The following KCNMA1 variants were observed in gnomAD, a reference collection of about 807,000 sequenced individuals.
KCNMA1 encodes the protein potassium calcium-activated channel subfamily M alpha 1, also known as Calcium-activated potassium channel subunit alpha-1.
In KCNMA1, 29 loss-of-function variants were observed where a neutral mutation model predicts 140.0. The ratio of observed to expected loss-of-function variants is 0.21; its 90% CI spans 0.15 to 0.28. KCNMA1 has a LOEUF of 0.28. Ranked by LOEUF, KCNMA1 falls within the 10% of genes least tolerant of loss-of-function variation. KCNMA1 has a pLI of 1.00. For synonymous variants in KCNMA1, 612 were observed against 611.9 expected (o/e 1.00, Z 0.00); for missense variants, 880 against 1,602.2 (o/e 0.55, Z 7.70).
At position 76,914,972 on chromosome 10, in the gene KCNMA1, T is replaced by C; in HGVS notation, c.2980A>G (p.Thr994Ala). The C allele has an allele frequency of 6.2e-7, 1 of 1,613,598 alleles. No homozygotes were observed. The highest frequency in any genetic ancestry group is 8.5e-7 in the Non-Finnish European group (1 of 1,179,638). Reference sequence around the variant, plus strand: ...ATGATGGGGATGTTGACCCCAGTTGTGATGGATGGTTGACGTAACATCCCG... The same window carrying C: ...ATGATGGGGATGTTGACCCCAGTTGCGATGGATGGTTGACGTAACATCCCG... The part of the protein sequence containing the change: ...VHGMLRQPSI[T>A]TGVNIPIITE... The change falls in exon 24 of 28, where the codon ACA becomes GCA. Residue 994 changes from threonine (T) to alanine (A), a missense_variant. By Grantham distance (58) the Thr-to-Ala change is moderately conservative. This residue lies in a region of KCNMA1 where 44 missense variants were observed against 58.2 expected (regional missense o/e 0.76). Transcript: ENST00000286628.
intron 5 of KCNMA1, among the ~76,000 whole-genome samples, chr10:77,127,518 G>A (rs1221148941): frequency 2.0e-5 from 3 of 152,004 alleles, no homozygotes; most frequent in African/African-American, 7.3e-5. Context: ...GTATGCAAAT[G>A]CTCTTTTGCC....
chr10:77,378,533 CCTGGTTTGGGTGGGGCT>C (rs1027653132), intron 2 of KCNMA1, among the ~76,000 whole-genome samples: 2 of 152,078 alleles, frequency 1.3e-5, no homozygotes, highest in African/African-American at 2.4e-5. Flanking sequence ...AGAGAAAAGC[CCTGGTTTGGGTGGGGCT>C]CTGGTTTGGG....
At chr10:77,164,251 A>C (rs2098606906) in intron 5 of KCNMA1, among the ~76,000 whole-genome samples, 1 of 152,208 alleles carries the variant, frequency 6.6e-6, no homozygotes. Context: ...ATCACTGCTG[A>C]CAGTGAATGG....
At position 76,885,529 on chromosome 10, in the gene KCNMA1, G is replaced by A; in HGVS notation, c.*1737C>T. On this transcript the variant is annotated 3_prime_UTR_variant, in exon 28 of 28. Transcript: ENST00000286628. Reference sequence around the variant, plus strand: ...CAAAACTATCATGCTTGAGGGGACGGGGGATCCAAAATCTAAATCCAAAAC... The same window carrying A: ...CAAAACTATCATGCTTGAGGGGACGAGGGATCCAAAATCTAAATCCAAAAC... The A allele has an allele frequency of 1.0e-6, 1 of 985,202 alleles. No homozygotes were observed. The highest frequency in any genetic ancestry group is 1.2e-6 in the Non-Finnish European group (1 of 829,892). The allele number at this position is 985,202 out of a possible 1,614,324, so 61.0% of individuals were successfully genotyped here.
intron 1 of KCNMA1, among the ~76,000 whole-genome samples, chr10:77,511,426 T>C (rs1324815131): frequency 6.6e-6 from 1 of 152,194 alleles, no homozygotes; most frequent in African/African-American, 2.4e-5. Flanking sequence ...CATTTCATAG[T>C]AGTTAAGAAA....
At chr10:77,037,177 A>G (rs888698260) in intron 15 of KCNMA1, among the ~76,000 whole-genome samples, 1 of 152,198 alleles carries the variant, frequency 6.6e-6, no homozygotes, top group Non-Finnish European at 1.5e-5. Flanking sequence ...AGGCCAGTGA[A>G]GTTCCACACC....
At chr10:77,352,631 TG>T (rs2093022042) in intron 2 of KCNMA1, among the ~76,000 whole-genome samples, 1 of 151,432 alleles carries the variant, frequency 6.6e-6, no homozygotes, top group African/African-American at 2.4e-5. Context: ...GGTGTGTGTG[TG>T]TGTGTGTGTG....
At chr10:77,043,653 T>A (rs532494143) in intron 14 of KCNMA1, among the ~76,000 whole-genome samples, 1 of 152,338 alleles carries the variant, frequency 6.6e-6, no homozygotes, top group East Asian at 1.9e-4. Context: ...GGAATATTAT[T>A]CAGTCTTAAA....
At position 76,909,820 on chromosome 10, in the gene KCNMA1, T is replaced by C. The variant is rs1383672901; in HGVS notation, c.3147+146A>G. 8 of 797,672 alleles carry C rather than the reference T, an allele frequency of 1.0e-5. No homozygotes were observed. In the African/African-American group the frequency reaches 1.0e-4, roughly 10 times the overall value. The allele number at this position is 797,672 out of a possible 1,614,324, so 49.4% of individuals were successfully genotyped here. On this transcript the variant is annotated intron_variant, in intron 25 of 27. Transcript: ENST00000286628. Reference sequence around the variant, plus strand: ...ATTTACTTGTGTGATGGTTTTATAATGTGGGTCTCCCCTTCTAAGGTGTGA... The same window carrying C: ...ATTTACTTGTGTGATGGTTTTATAACGTGGGTCTCCCCTTCTAAGGTGTGA...
rs2065362167 is a variant in KCNMA1, at chr10:76,949,365, G to A, written c.2486C>T (p.Thr829Ile). 6.2e-7 allele frequency: 1 copy of A among 1,613,004 alleles called. No homozygotes were observed. The highest frequency in any genetic ancestry group is 8.5e-7 in the Non-Finnish European group (1 of 1,179,228). Reference sequence around the variant, plus strand: ...GACGGTCATGGCAGCTTCACTTCGAGTCTACAACAGGGAGAAGTGGGTAAG... The same window carrying A: ...GACGGTCATGGCAGCTTCACTTCGAATCTACAACAGGGAGAAGTGGGTAAG... ...APKEIEKVIL[T>I]RSEAAMTVLS... Residue 829 changes from threonine to isoleucine, a missense_variant and splice_region_variant, in exon 22 of 28, where the codon ACT (threonine) becomes ATT (isoleucine). Thr to Ile is a moderately conservative substitution (Grantham distance 89, BLOSUM62 -1). Around this residue, in one of 13 missense-constraint regions of KCNMA1, gnomAD observed 82 missense variants for 170.1 expected, o/e 0.48. Transcript: ENST00000286628.
At chr10:77,406,302 G>C (rs669657) in intron 1 of KCNMA1, among the ~76,000 whole-genome samples, 101,116 of 144,622 alleles carry the variant, frequency 0.7, 33,905 homozygotes, top group East Asian at 0.81. Flanking sequence ...ATCCAGCTCT[G>C]CCACCGCTGT....
chr10:77,144,000 T>C (rs1383972541), intron 5 of KCNMA1, among the ~76,000 whole-genome samples: 1 of 152,160 alleles, frequency 6.6e-6, no homozygotes. Context: ...GTATCTTCCT[T>C]TGGAAAACTG....
At chr10:76,940,378 T>G (rs1270069050) in intron 23 of KCNMA1, among the ~76,000 whole-genome samples, 1 of 152,216 alleles carries the variant, frequency 6.6e-6, no homozygotes, top group Non-Finnish European at 1.5e-5. Context: ...CCTAATAACA[T>G]GCAGTGGCAG....
chr10:77,636,150 G>T, intron 1 of KCNMA1: 1 of 1,340,754 alleles, frequency 7.5e-7, no homozygotes, highest in African/African-American at 1.5e-5. Flanking sequence ...CGCGCGTGAA[G>T]TCCCCTAGGA....
At chr10:77,278,178 G>C (rs2067237542) in intron 2 of KCNMA1, among the ~76,000 whole-genome samples, 1 of 152,146 alleles carries the variant, frequency 6.6e-6, no homozygotes, top group Non-Finnish European at 1.5e-5. Flanking sequence ...CTATGACTCT[G>C]GCCACCTGAT....
rs139674533 is a variant in KCNMA1 at position 77,001,988 on chromosome 10, T to G, written c.2093-408A>C. ...TATACACACTGCCAATCAATGAAATTAGCTGCTTATTTGGTATAATAAATG... is the reference window on the plus strand; with the variant it reads ...TATACACACTGCCAATCAATGAAATGAGCTGCTTATTTGGTATAATAAATG... On this transcript the variant is annotated intron_variant, in intron 18 of 27. Transcript: ENST00000286628. 1.1e-4 allele frequency among the ~76,000 whole-genome samples: 17 copies of G among 152,248 alleles called. No homozygotes were observed. The East Asian group carries it at 3.3e-3, about 29-fold the overall frequency.
chr10:77,081,693 GA>G (rs201715504), intron 12 of KCNMA1, among the ~76,000 whole-genome samples: 1 of 152,092 alleles, frequency 6.6e-6, no homozygotes, highest in Admixed American at 6.6e-5. Flanking sequence ...TTTTATTTTT[GA>G]AAAAGTGTTG....
At chr10:76,877,685 C>T (rs2032644804), downstream of KCNMA1, 10 of 1,517,536 alleles carry the variant, frequency 6.6e-6, no homozygotes, top group East Asian at 2.5e-4. Context: ...AAAGTCACAT[C>T]ACCATTTATG....
intron 14 of KCNMA1, among the ~76,000 whole-genome samples, chr10:77,045,695 C>T (rs958837394): frequency 1.3e-5 from 2 of 152,150 alleles, no homozygotes; most frequent in Non-Finnish European, 2.9e-5. Context: ...GGTAATGATG[C>T]CTTTTATTTT....
Sources: allele counts gnomAD v4.1 joint callset (sites outside exome capture counted in the v4.1 genomes callset), GRCh38; gene constraint gnomAD v4.1.1; regional missense constraint gnomAD v4.1.1; transcripts MANE v1.5; gene names NCBI Gene and HGNC (gene_info 2026-07-23, HGNC 2026-07-21).